Variants in NRCAM observed in about 807,000 individuals in gnomAD.
NRCAM encodes the protein NgCAM-related cell adhesion molecule.
In NRCAM, 83 loss-of-function variants were observed where a neutral mutation model predicts 156.5. That is an observed-to-expected ratio of 0.53 (90% CI 0.44 to 0.64). The LOEUF (loss-of-function observed/expected upper bound fraction) is 0.64, where lower values mean the gene tolerates loss of function less well. Ranked by LOEUF, NRCAM falls within the 30% of genes least tolerant of loss-of-function variation. The pLI is 0.00. For missense variants in NRCAM, 1,417 were observed against 1,597.3 expected (o/e 0.89, Z 1.92); for synonymous variants, 538 against 563.9 (o/e 0.95, Z 0.65).
At chr7:108,374,836 T>C (rs538809764) in intron 2 of NRCAM, among the ~76,000 whole-genome samples, 2 of 152,240 alleles carry the variant, frequency 1.3e-5, no homozygotes, top group African/African-American at 4.8e-5. Flanking sequence ...TCAAAGAAAG[T>C]ATGGGTTCCA....
intron 11 of NRCAM, among the ~76,000 whole-genome samples, chr7:108,222,545 G>A (rs556521427): frequency 6.6e-6 from 1 of 152,166 alleles, no homozygotes; most frequent in Admixed American, 6.5e-5. Flanking sequence ...TGGAAACTGG[G>A]AGGATTTTTT....
intron 1 of NRCAM, among the ~76,000 whole-genome samples, chr7:108,404,342 A>C (rs2099801526): frequency 6.6e-6 from 1 of 152,228 alleles, no homozygotes; most frequent in African/African-American, 2.4e-5. Flanking sequence ...CAAAGACTCT[A>C]AGACTTGGCA....
intron 2 of NRCAM, among the ~76,000 whole-genome samples, chr7:108,367,800 T>C (rs1595352408): frequency 6.6e-6 from 1 of 152,218 alleles, no homozygotes; most frequent in African/African-American, 2.4e-5. Context: ...ATATAAATAG[T>C]CATTTCTCCA....
At position 108,231,015 on chromosome 7, in the gene NRCAM, T is replaced by C. The variant is rs59070674; in HGVS notation, c.550+16A>G. The C allele has an allele frequency of 1.1e-3, 1,798 of 1,580,588 alleles. 20 individuals are homozygous for C. In the African/African-American group the frequency reaches 0.021, roughly 19 times the overall value. ...AAGACTTTTAAAGAAAGAAAGTTCATATTATCAAAACTTACAATTATCCAT... is the reference window on the plus strand; with the variant it reads ...AAGACTTTTAAAGAAAGAAAGTTCACATTATCAAAACTTACAATTATCCAT... On this transcript the variant is annotated intron_variant, in intron 8 of 32. Coordinates refer to ENST00000379028, the MANE Select transcript of NRCAM (RefSeq NM_001037132.4).
chr7:108,426,998 T>G (rs1818116956), intron 1 of NRCAM, among the ~76,000 whole-genome samples: 1 of 152,206 alleles, frequency 6.6e-6, no homozygotes, highest in African/African-American at 2.4e-5. Context: ...TGATCCACTT[T>G]ATTCATCCAA....
chr7:108,182,537 A>G (rs1368828840), intron 23 of NRCAM, among the ~76,000 whole-genome samples, 158 bp downstream of exon 23: 1 of 152,202 alleles, frequency 6.6e-6, no homozygotes, highest in African/African-American at 2.4e-5. Flanking sequence ...AACGTTCTGA[A>G]CTTCTCTTTC....
At chr7:108,268,636 T>TGGGGGGGGGGGGGGGGGGGGG (rs1300340254) in intron 3 of NRCAM, among the ~76,000 whole-genome samples, 1 of 8,492 alleles carries the variant, frequency 1.2e-4, no homozygotes, top group Admixed American at 1.4e-3. Flanking sequence ...GGGGGGGGGT[T>TGGGGGGGGGGGGGGGGGGGGG]GGGGGGGGCG....
chr7:108,207,615 G>C lies in NRCAM; in HGVS notation c.1120C>G (p.Pro374Ala), dbSNP rs756712715. Residue 374 changes from proline to alanine, a missense_variant, in exon 13 of 33, where the codon CCA becomes GCA. This residue lies in a region of NRCAM where 1,238 missense variants were observed against 1,336.4 expected (regional missense o/e 0.93). Transcript: ENST00000379028. Reference sequence around the variant, plus strand: ...CAGATCAAGGTCCCATCCTCTCCTGGGGACAGCACAAGATTTTGAGGGGCT... The same window carrying C: ...CAGATCAAGGTCCCATCCTCTCCTGCGGACAGCACAAGATTTTGAGGGGCT... Reference protein sequence around the residue: ...ITAPQNLVLSPGEDGTLICRA... With the variant: ...ITAPQNLVLSAGEDGTLICRA... 1.2e-6 allele frequency: 2 copies of C among 1,613,888 alleles called. No homozygotes were observed. The highest frequency in any genetic ancestry group is 2.2e-5 in the South Asian group (2 of 91,062).
At chr7:108,406,722 A>G (rs2099808521) in intron 1 of NRCAM, among the ~76,000 whole-genome samples, 1 of 152,194 alleles carries the variant, frequency 6.6e-6, no homozygotes, top group Non-Finnish European at 1.5e-5. Context: ...ACTTGAGTTT[A>G]ATAGAATAAA....
chr7:108,349,022 T>C (rs943002788), intron 2 of NRCAM, among the ~76,000 whole-genome samples: 1 of 152,066 alleles, frequency 6.6e-6, no homozygotes, highest in Non-Finnish European at 1.5e-5. Context: ...TGCTATGTGA[T>C]GCGCTGTGTA....
At chr7:108,338,273 C>T (rs1259401321) in intron 2 of NRCAM, among the ~76,000 whole-genome samples, 3 of 152,218 alleles carry the variant, frequency 2.0e-5, no homozygotes, top group African/African-American at 4.8e-5. Flanking sequence ...AGGGTAGCCC[C>T]AAAATTCTCC....
chr7:108,231,234 G>C (rs1268490832), intron 7 of NRCAM, 81 bp from the exon 8 acceptor site: 1 of 959,164 alleles, frequency 1.0e-6, no homozygotes, highest in Admixed American at 3.4e-5. Context: ...AAGGCAAACT[G>C]AAGTTTTGGA....
intron 1 of NRCAM, among the ~76,000 whole-genome samples, chr7:108,437,178 C>T (rs916365722): frequency 6.6e-6 from 1 of 152,096 alleles, no homozygotes; most frequent in African/African-American, 2.4e-5. Flanking sequence ...GAAAGGCAAA[C>T]ATCACATGTT....
intron 13 of NRCAM, among the ~76,000 whole-genome samples, chr7:108,200,179 T>A (rs901959737): frequency 6.6e-6 from 1 of 152,248 alleles, no homozygotes; most frequent in Admixed American, 6.5e-5. Context: ...TGAATTGACT[T>A]CTTAGCTTAC....
chr7:108,189,701 T>G lies in NRCAM; in HGVS notation c.1979A>C (p.Asp660Ala). Residue 660 changes from aspartate to alanine, a missense_variant, in exon 20 of 33, where the codon GAC (aspartate) becomes GCC (alanine). Around this residue, in one of 2 missense-constraint regions of NRCAM, gnomAD observed 1,238 missense variants for 1,336.4 expected, o/e 0.93. Transcript: ENST00000379028. ...PFDLELTDQL[D>A]KSVQLSWTPG... The stretch of plus-strand genomic sequence containing the variant: ...GGTCCATGACAGCTGAACACTTTTG[T>G]CAAGTTGATCTGTCAGTTCTAAGTC... 1.9e-6 allele frequency: 3 copies of G among 1,560,796 alleles called. No homozygotes were observed. Among genetic ancestry groups the G allele is most frequent in the Middle Eastern group, 1.7e-4 (1 of 5,970 alleles).
At chr7:108,186,027 G>A (rs1204953029) in intron 20 of NRCAM, among the ~76,000 whole-genome samples, 3 of 152,184 alleles carry the variant, frequency 2.0e-5, no homozygotes, top group Admixed American at 6.5e-5. Context: ...TACCCTCTGC[G>A]TCCACTAAAA....
At chr7:108,203,002 C>T (rs967837355) in intron 13 of NRCAM, among the ~76,000 whole-genome samples, 1 of 152,172 alleles carries the variant, frequency 6.6e-6, no homozygotes, top group Admixed American at 6.5e-5. Flanking sequence ...TGGGCACCAC[C>T]ACCAGAATGG....
At chr7:108,375,424 T>C (rs1595610307) in intron 2 of NRCAM, among the ~76,000 whole-genome samples, 1 of 152,066 alleles carries the variant, frequency 6.6e-6, no homozygotes, top group Non-Finnish European at 1.5e-5. Flanking sequence ...GCGTGATGGA[T>C]GTAAGTGAAA....
intron 2 of NRCAM, among the ~76,000 whole-genome samples, chr7:108,347,860 C>T (rs2099376189): frequency 6.6e-6 from 1 of 152,182 alleles, no homozygotes; most frequent in African/African-American, 2.4e-5. Flanking sequence ...GTTCCCCAGC[C>T]AGTGAACTGA....
Sources: allele counts gnomAD v4.1 joint callset (sites outside exome capture counted in the v4.1 genomes callset), GRCh38; gene constraint gnomAD v4.1.1; regional missense constraint gnomAD v4.1.1; transcripts MANE v1.5; gene names NCBI Gene and HGNC (gene_info 2026-07-23, HGNC 2026-07-21).